KIF13B: variants seen among roughly 807,000 people sequenced by gnomAD.
KIF13B encodes kinesin family member 13B.
Under a neutral mutation model 222.0 loss-of-function variants are expected in KIF13B, and 127 were observed. That is an observed-to-expected ratio of 0.57 (90% CI 0.50 to 0.66). The LOEUF is 0.66. Among genes scored for constraint, KIF13B ranks in the 30% least tolerant of loss-of-function variants. KIF13B has a pLI of 0.00. For missense variants in KIF13B, 2,173 were observed against 2,379.0 expected, an observed-to-expected ratio of 0.91 and a Z score of 1.80; for synonymous variants, 976 against 919.0, an observed-to-expected ratio of 1.06 and a Z score of -1.12.
chr8:29,250,014 T>G (rs763462847), intron 1 of KIF13B: 1 of 1,288,762 alleles, frequency 7.8e-7, no homozygotes, highest in Non-Finnish European at 1.0e-6. Context: ...CAGAGGTCCA[T>G]GAGAGTTTCT....
chr8:29,211,062 G>C (rs1023243182), intron 2 of KIF13B, among the ~76,000 whole-genome samples: 5 of 152,212 alleles, frequency 3.3e-5, no homozygotes, highest in Non-Finnish European at 7.4e-5. Flanking sequence ...CAAAGAAAAA[G>C]GCACCATGTG....
At chr8:29,079,821 TA>T (rs528628229) in intron 37 of KIF13B, among the ~76,000 whole-genome samples, 102 of 152,340 alleles carry the variant, frequency 6.7e-4, no homozygotes, top group African/African-American at 2.1e-3. Flanking sequence ...AGTCTTGTTT[TA>T]AACACTAACC....
At chr8:29,215,082 G>A (rs1175084074) in intron 2 of KIF13B, among the ~76,000 whole-genome samples, 2 of 152,192 alleles carry the variant, frequency 1.3e-5, no homozygotes, top group African/African-American at 4.8e-5. Flanking sequence ...GTGGCTCCAC[G>A]CTCCCTGCAT....
intron 5 of KIF13B, among the ~76,000 whole-genome samples, 161 bp from the exon 6 acceptor site, chr8:29,186,633 A>C (rs1017699093): frequency 3.3e-5 from 5 of 152,218 alleles, no homozygotes; most frequent in East Asian, 3.9e-4. Flanking sequence ...TTTTTACTGC[A>C]CATGTGAAAG....
chr8:29,129,088 A>G (rs1198853660), intron 24 of KIF13B, among the ~76,000 whole-genome samples: 1 of 152,200 alleles, frequency 6.6e-6, no homozygotes, highest in East Asian at 1.9e-4. Context: ...CCATCATATA[A>G]GAAAAATCCT....
chr8:29,233,553 C>A (rs896965799), intron 2 of KIF13B, among the ~76,000 whole-genome samples: 1 of 152,236 alleles, frequency 6.6e-6, no homozygotes, highest in Non-Finnish European at 1.5e-5. Flanking sequence ...TGTGCTAGCA[C>A]ATTATCTAGA....
chr8:29,122,959 C>G (rs1809943569), intron 28 of KIF13B, among the ~76,000 whole-genome samples: 1 of 152,158 alleles, frequency 6.6e-6, no homozygotes, highest in African/African-American at 2.4e-5. Flanking sequence ...TTTTTAATTT[C>G]TATAACGTAG....
At chr8:29,092,715 G>A (rs1234915298) in intron 37 of KIF13B, 30 bp downstream of exon 37, 5 of 1,591,748 alleles carry the variant, frequency 3.1e-6, no homozygotes, top group Admixed American at 1.8e-5. Context: ...TTAGAAAAAC[G>A]TTCACAGCTG....
intron 14 of KIF13B, among the ~76,000 whole-genome samples, chr8:29,155,175 T>C (rs575010156): frequency 1.3e-5 from 2 of 152,260 alleles, no homozygotes; most frequent in African/African-American, 4.8e-5. Context: ...AGAAAGGCCC[T>C]TGTCCTCAAG....
chr8:29,238,302 A>G (rs543527542), intron 2 of KIF13B, among the ~76,000 whole-genome samples: 3 of 152,190 alleles, frequency 2.0e-5, no homozygotes, highest in Non-Finnish European at 4.4e-5. Flanking sequence ...ATGCAATATA[A>G]TTTGCAAGAG....
At chr8:29,113,600 C>T in intron 31 of KIF13B, 45 bp from the exon 32 acceptor site, 1 of 1,185,708 alleles carries the variant, frequency 8.4e-7, no homozygotes, top group South Asian at 1.3e-5. Flanking sequence ...ACCTGAAAAA[C>T]TGAGTTTACA....
At chr8:29,075,924 G>A (rs180996564) in intron 37 of KIF13B, among the ~76,000 whole-genome samples, 16 of 152,318 alleles carry the variant, frequency 1.1e-4, no homozygotes, top group Admixed American at 1.3e-4. Context: ...GACACTGTCC[G>A]GGTGGGGACA....
intron 8 of KIF13B, among the ~76,000 whole-genome samples, chr8:29,178,674 T>C (rs2130261107): frequency 6.6e-6 from 1 of 151,180 alleles, no homozygotes; most frequent in South Asian, 2.1e-4. Flanking sequence ...AAAAAAGTCT[T>C]CAGTATGTTT....
At position 29,150,161 on chromosome 8, in the gene KIF13B, T is replaced by C. The variant is rs1017031697; in HGVS notation, c.1622+136A>G. 1.4e-4 allele frequency: 81 copies of C among 588,130 alleles called. 1 individual carries two copies. The highest frequency in any genetic ancestry group is 1.0e-4 in the Non-Finnish European group (34 of 326,624). 36.4% of individuals were successfully genotyped at this position (588,130 alleles called of 1,614,324 possible). A position where few individuals can be genotyped will look rare whatever the true frequency, so the allele number is the denominator to read the frequency against. Reference sequence around the variant, plus strand: ...AATGAACACACACACACATATATAATACACATGCAGCAAATATATACGTAC... The same window carrying C: ...AATGAACACACACACACATATATAACACACATGCAGCAAATATATACGTAC... On this transcript the variant is annotated intron_variant, in intron 15 of 39. Transcript: ENST00000524189.
intron 2 of KIF13B, among the ~76,000 whole-genome samples, chr8:29,203,074 T>C (rs142402208): frequency 4.7e-4 from 71 of 152,326 alleles, no homozygotes; most frequent in African/African-American, 1.5e-3. Context: ...GTTTGTCTCA[T>C]GATAGAATAA....
At chr8:29,208,627 G>A (rs957128210) in intron 2 of KIF13B, among the ~76,000 whole-genome samples, 6 of 152,230 alleles carry the variant, frequency 3.9e-5, no homozygotes, top group Non-Finnish European at 7.3e-5. Flanking sequence ...TGGCTTGGGA[G>A]AGACTGAATA....
chr8:29,262,525 C>CGGGGTCCCGG lies in KIF13B; in HGVS notation c.55+445_55+454dup, dbSNP rs547277027. Among the ~76,000 whole-genome samples the CGGGGTCCCGG allele has an allele frequency of 3.0e-4, 45 of 151,198 alleles. No individual in the cohort carries two copies. The South Asian group carries it at 7.7e-3, about 26-fold the overall frequency. On this transcript the variant is annotated intron_variant, in intron 1 of 39. Transcript: ENST00000524189. ...AGGCTTGGGCGACCCGGGCGAGACG[C>CGGGGTCCCGG]GGGGTCCCGGGGGGTCCCGGGCGGT...
chr8:29,243,525 G>T (rs139626346), intron 2 of KIF13B, among the ~76,000 whole-genome samples: 1,666 of 151,928 alleles, frequency 0.011, 29 homozygotes, highest in African/African-American at 0.038. Flanking sequence ...GCATGGTGGT[G>T]CACACCTGTA....
At chr8:29,231,147 T>C (rs1357640210) in intron 2 of KIF13B, among the ~76,000 whole-genome samples, 2 of 152,210 alleles carry the variant, frequency 1.3e-5, no homozygotes, top group Non-Finnish European at 2.9e-5. Context: ...CCCAAAGTGC[T>C]GGGACTGCAG....
Sources: allele counts gnomAD v4.1 joint callset (sites outside exome capture counted in the v4.1 genomes callset), GRCh38; gene constraint gnomAD v4.1.1; transcripts MANE v1.5; gene names NCBI Gene and HGNC (gene_info 2026-07-23, HGNC 2026-07-21).